EPG5: variants seen among roughly 807,000 people sequenced by gnomAD.
The protein encoded by EPG5 is ectopic P granules protein 5 homolog.
In EPG5, 159 loss-of-function variants were observed where a neutral mutation model predicts 302.7. The observed-to-expected ratio is 0.53, with a 90% confidence interval of 0.46 to 0.60. EPG5 has a LOEUF of 0.60. Ranked by LOEUF, EPG5 falls within the 20% of genes least tolerant of loss-of-function variation. The pLI is 0.00. For missense variants in EPG5, 2,896 were observed against 3,092.4 expected, an observed-to-expected ratio of 0.94 and a Z score of 1.51; for synonymous variants, 1,158 against 1,136.8, an observed-to-expected ratio of 1.02 and a Z score of -0.37.
chr18:45,929,075 T>C (rs1005209269), intron 12 of EPG5, 66 bp from the exon 13 acceptor site: 8 of 1,483,272 alleles, frequency 5.4e-6, no homozygotes, highest in East Asian at 2.3e-5. Context: ...AACACACTTA[T>C]ATCATTTTTT....
chr18:45,890,990 T>A (rs1219149066), intron 27 of EPG5, among the ~76,000 whole-genome samples: 1 of 152,176 alleles, frequency 6.6e-6, no homozygotes, highest in Non-Finnish European at 1.5e-5. Flanking sequence ...AGTTCTAAAC[T>A]CTACATTCTC....
At chr18:45,870,507 C>G in intron 36 of EPG5, 60 bp downstream of exon 36, 2 of 1,490,458 alleles carry the variant, frequency 1.3e-6, no homozygotes, top group Non-Finnish European at 1.8e-6. Flanking sequence ...CCACAGTGAC[C>G]AGGCTGCTCC....
intron 27 of EPG5, among the ~76,000 whole-genome samples, chr18:45,890,967 T>C (rs1249291620): frequency 6.6e-6 from 1 of 152,070 alleles, no homozygotes; most frequent in Non-Finnish European, 1.5e-5. Context: ...GACCATAACA[T>C]TTAGAAGGCA....
Position 45,884,695 on chromosome 18 carries a change from C to T in EPG5, c.5226G>A (p.Glu1742=), listed in dbSNP as rs756643630. The T allele has an allele frequency of 6.2e-7, 1 of 1,611,896 alleles. No individual in the cohort carries two copies. Among genetic ancestry groups the T allele is most frequent in the Non-Finnish European group, 8.5e-7 (1 of 1,179,226 alleles). The change falls in exon 30 of 44, where the codon GAG becomes GAA. Residue 1742 remains glutamate, a synonymous_variant. Coordinates refer to ENST00000282041, the MANE Select transcript of EPG5 (RefSeq NM_020964.3). ...CCACTTGCTCATACAGCTGTATGAACTCTGCAGGTGCAGCATTGGGAGTGA... is the reference window on the plus strand; with the variant it reads ...CCACTTGCTCATACAGCTGTATGAATTCTGCAGGTGCAGCATTGGGAGTGA... ...PFFTPNAAPA[E]FIQLYEQVVK...
chr18:45,868,078 T>C (rs1391957807), intron 36 of EPG5: 1 of 472,784 alleles, frequency 2.1e-6, no homozygotes, highest in East Asian at 6.5e-5. Context: ...TGTATCAGAA[T>C]CCTCAGGTGT....
rs781258407 is a variant in EPG5, at chr18:45,878,996, C to T, written c.5869+17G>A. 2.5e-5 allele frequency: 40 copies of T among 1,608,884 alleles called. No homozygotes were observed. Among genetic ancestry groups the T allele is most frequent in the Non-Finnish European group, 7.7e-6 (9 of 1,175,652 alleles). Reference sequence around the variant, plus strand: ...AGTCCAAACACCTAGCTCCACATCGCATGAGAAGTATATTACCTGTTTTCC... The same window carrying T: ...AGTCCAAACACCTAGCTCCACATCGTATGAGAAGTATATTACCTGTTTTCC... On this transcript the variant is annotated intron_variant, in intron 33 of 43. Coordinates refer to ENST00000282041, the MANE Select transcript of EPG5 (RefSeq NM_020964.3).
chr18:45,803,913 T>G, the EPG5 span, among the ~76,000 whole-genome samples: 1 of 152,190 alleles, frequency 6.6e-6, no homozygotes, highest in African/African-American at 2.4e-5. Flanking sequence ...CTTGACATAT[T>G]GAGAGACAGG....
chr18:45,875,465 AAAAC>A (rs2048948254), intron 35 of EPG5, among the ~76,000 whole-genome samples: 1 of 152,232 alleles, frequency 6.6e-6, no homozygotes, highest in African/African-American at 2.4e-5. Context: ...GTACATTTGA[AAAAC>A]AAACAAATAG....
chr18:45,803,912 T>C, the EPG5 span, among the ~76,000 whole-genome samples: 9 of 152,276 alleles, frequency 5.9e-5, no homozygotes, highest in East Asian at 5.8e-4. Flanking sequence ...TCTTGACATA[T>C]TGAGAGACAG....
chr18:45,857,875 G>A lies in EPG5; in HGVS notation c.7420C>T (p.Arg2474Trp), dbSNP rs1188184108. The change falls in exon 42 of 44, where the codon CGG (arginine) becomes TGG (tryptophan). Residue 2474 changes from arginine (R) to tryptophan (W), a missense_variant. Physicochemically the swap from Arg to Trp is moderately radical, Grantham distance 101 (BLOSUM62 -3). Coordinates refer to ENST00000282041, the MANE Select transcript of EPG5 (RefSeq NM_020964.3). ...TACCTGTTAGACAAAGGCGACTTCCGGCCAAACCCAATTGCCCCCAGGATC... is the reference window on the plus strand; with the variant it reads ...TACCTGTTAGACAAAGGCGACTTCCAGCCAAACCCAATTGCCCCCAGGATC... ...SGILGAIGFG[R>W]KSPLSNRFRV... 11 of 1,611,960 alleles carry A rather than the reference G, an allele frequency of 6.8e-6. No homozygotes were observed. Among genetic ancestry groups the A allele is most frequent in the Admixed American group, 5.0e-5 (3 of 59,988 alleles).
intron 32 of EPG5, 128 bp from the exon 33 acceptor site, chr18:45,879,342 A>C: frequency 1.6e-6 from 1 of 638,562 alleles, no homozygotes; most frequent in South Asian, 2.0e-5. Context: ...AATATAAAGC[A>C]TATGAGAAAT....
chr18:45,805,557 T>C, the EPG5 span, among the ~76,000 whole-genome samples: 2 of 151,920 alleles, frequency 1.3e-5, no homozygotes, highest in South Asian at 2.1e-4. Context: ...AATTTCCAAT[T>C]AGCTAAAAAA....
chr18:45,872,453 C>T (rs899002057), intron 35 of EPG5, among the ~76,000 whole-genome samples: 5 of 152,306 alleles, frequency 3.3e-5, no homozygotes, highest in Admixed American at 2.0e-4. Context: ...CTTGCAATCC[C>T]GGCACTTTGG....
Position 45,869,775 on chromosome 18 carries a change from A to T in EPG5, c.6225+792T>A, listed in dbSNP as rs184346770. Reference sequence around the variant, plus strand: ...ATTAAGGGCACTAAAAAAGTTAAGTATATTTTGCTAACCTTCATAAATAAC... The same window carrying T: ...ATTAAGGGCACTAAAAAAGTTAAGTTTATTTTGCTAACCTTCATAAATAAC... On this transcript the variant is annotated intron_variant, in intron 36 of 43. Transcript: ENST00000282041. Among the ~76,000 whole-genome samples, 16 of 152,328 alleles carry T rather than the reference A, an allele frequency of 1.1e-4. No individual in the cohort carries two copies. The East Asian group carries it at 2.9e-3, about 28-fold the overall frequency.
the EPG5 span, among the ~76,000 whole-genome samples, chr18:45,809,778 C>T: frequency 5.7e-4 from 86 of 152,160 alleles, no homozygotes; most frequent in African/African-American, 2.0e-3. Flanking sequence ...TCTGAAAGAG[C>T]ACAAACAGAT....
In EPG5 at chr18:45,915,573, T is replaced by C; in HGVS notation, c.3631A>G (p.Ser1211Gly). The C allele has an allele frequency of 6.2e-7, 1 of 1,614,118 alleles. No homozygotes were observed. ...CDRSLLSSLV[S>G]WIVAGNITPS... ...GTGATGTTGCCTGCCACAATCCAGCTTACCAAAGATGAGAGCAGACTCCGG... is the reference window on the plus strand; with the variant it reads ...GTGATGTTGCCTGCCACAATCCAGCCTACCAAAGATGAGAGCAGACTCCGG... The change falls in exon 20 of 44, where the codon AGC becomes GGC. Residue 1211 changes from serine to glycine, a missense_variant. By Grantham distance (56) the Ser-to-Gly change is moderately conservative. Coordinates refer to ENST00000282041, the MANE Select transcript of EPG5 (RefSeq NM_020964.3).
At chr18:45,920,293 A>T (rs1319152767) in intron 16 of EPG5, among the ~76,000 whole-genome samples, 1 of 152,212 alleles carries the variant, frequency 6.6e-6, no homozygotes, top group African/African-American at 2.4e-5. Context: ...TGACAATAAA[A>T]CACAGTGAGT....
intron 21 of EPG5, 68 bp downstream of exon 21, chr18:45,913,638 G>T: frequency 6.4e-7 from 1 of 1,573,506 alleles, no homozygotes; most frequent in Non-Finnish European, 8.7e-7. Flanking sequence ...CAAAAGCTAC[G>T]GGTGAATCCA....
intron 24 of EPG5, among the ~76,000 whole-genome samples, chr18:45,905,538 TA>T (rs1208700239): frequency 6.6e-6 from 1 of 152,204 alleles, no homozygotes; most frequent in East Asian, 1.9e-4. Flanking sequence ...CTCCTTTAAA[TA>T]GGGTCACTCT....
Sources: allele counts gnomAD v4.1 joint callset (sites outside exome capture counted in the v4.1 genomes callset), GRCh38; gene constraint gnomAD v4.1.1; transcripts MANE v1.5; gene names NCBI Gene and HGNC (gene_info 2026-07-23, HGNC 2026-07-21).